The following TSKU variants were observed in gnomAD, a reference collection of about 807,000 sequenced individuals.
TSKU encodes the protein tsukushi, small leucine rich proteoglycan.
In TSKU, 4 loss-of-function variants were observed where a neutral mutation model predicts 11.2. The ratio of observed to expected loss-of-function variants is 0.36; its 90% CI spans 0.18 to 0.82. The LOEUF is 0.82. Ranked by LOEUF, TSKU falls within the 40% of genes least tolerant of loss-of-function variation. The pLI is 0.50. For synonymous variants in TSKU, 220 were observed against 232.2 expected, an observed-to-expected ratio of 0.95 and a Z score of 0.48; for missense variants, 407 against 482.5, an observed-to-expected ratio of 0.84 and a Z score of 1.47.
At chr11:76,782,450 T>C (rs1590813557), upstream of TSKU, 1 of 151,568 alleles carries the variant, frequency 6.6e-6, no homozygotes, top group Admixed American at 6.6e-5. Context: ...ATTGTCGGGG[T>C]GTGTAGACTG....
In TSKU at chr11:76,796,293, C is replaced by T. The variant is rs575101189; in HGVS notation, c.677C>T (p.Ala226Val). ...GCTGTCATTGGTCCGGGTGCCTTCG[C>T]GGGGCTGGGAGGCCTTACACACCTG... ...PLAVIGPGAF[A>V]GLGGLTHLSL... The change falls in exon 2 of 2, where the codon GCG becomes GTG. Residue 226 changes from alanine to valine, a missense_variant. Physicochemically the swap from Ala to Val is moderately conservative, Grantham distance 64 (BLOSUM62 0). Transcript: ENST00000333090. This position sits in a 1 kb window ranked among gnomAD's most constrained non-coding sequence, Gnocchi z 4.1. The T allele has an allele frequency of 1.5e-5, 25 of 1,613,218 alleles. No homozygotes were observed. The highest frequency in any genetic ancestry group is 6.7e-5 in the Admixed American group (4 of 59,990).
At chr11:76,788,795 C>T (rs1462623520) in intron 1 of TSKU, among the ~76,000 whole-genome samples, 2 of 152,194 alleles carry the variant, frequency 1.3e-5, no homozygotes, top group African/African-American at 4.8e-5. Context: ...AGGCCTGGCT[C>T]TGATCCCAGG....
intron 1 of TSKU, among the ~76,000 whole-genome samples, chr11:76,787,087 C>A (rs1944319869): frequency 6.6e-6 from 1 of 152,142 alleles, no homozygotes; most frequent in Non-Finnish European, 1.5e-5. Flanking sequence ...ATCACAGTGA[C>A]CCGTTAGGAC....
rs1289621593 is a variant in TSKU at position 76,796,737 on chromosome 11, G to A, written c.*59G>A. On this transcript the variant is annotated 3_prime_UTR_variant, in exon 2 of 2. Transcript: ENST00000333090. The surrounding 1 kb of genome is among the most constrained non-coding windows in gnomAD (Gnocchi z 4.1). ...GCTGTCCTGGGCTGCCTCAGGTCCCGAGTAACTTATGTTCAATGTGCCAAC... is the reference window on the plus strand; with the variant it reads ...GCTGTCCTGGGCTGCCTCAGGTCCCAAGTAACTTATGTTCAATGTGCCAAC... The A allele has an allele frequency of 4.2e-5, 56 of 1,327,110 alleles. No homozygotes were observed. The highest frequency in any genetic ancestry group is 5.4e-5 in the Non-Finnish European group (54 of 1,001,034). The allele number at this position is 1,327,110 out of a possible 1,614,324, so 82.2% of individuals were successfully genotyped here.
intron 1 of TSKU, among the ~76,000 whole-genome samples, chr11:76,787,241 C>T (rs372786743): frequency 4.6e-5 from 7 of 152,342 alleles, no homozygotes; most frequent in African/African-American, 1.7e-4. Context: ...ATAGCGCCTC[C>T]TCATGTGTCC....
chr11:76,786,724 C>T (rs1463524960), intron 1 of TSKU, among the ~76,000 whole-genome samples: 2 of 152,132 alleles, frequency 1.3e-5, no homozygotes, highest in Non-Finnish European at 2.9e-5. Flanking sequence ...GGGGGATCTG[C>T]GAATTTGATG....
chr11:76,796,758 C>T lies in TSKU; in HGVS notation c.*80C>T. On this transcript the variant is annotated 3_prime_UTR_variant, in exon 2 of 2. Coordinates refer to ENST00000333090, the MANE Select transcript of TSKU (RefSeq NM_015516.4). The surrounding 1 kb of genome is among the most constrained non-coding windows in gnomAD (Gnocchi z 4.1). ...TCCCGAGTAACTTATGTTCAATGTG[C>T]CAACACCAGTGGGGAGCCCGCAGGC... The T allele has an allele frequency of 8.5e-7, 1 of 1,173,352 alleles. No individual in the cohort carries two copies. The highest frequency in any genetic ancestry group is 1.2e-6 in the Non-Finnish European group (1 of 868,644). The allele number at this position is 1,173,352 out of a possible 1,614,324, so 72.7% of individuals were successfully genotyped here.
upstream of TSKU, chr11:76,783,248 G>T (rs895577815): frequency 1.3e-5 from 2 of 149,968 alleles, no homozygotes; most frequent in African/African-American, 2.4e-5. Flanking sequence ...CCCCGCGGCC[G>T]GCCCGAGCCG....
At chr11:76,785,452 C>T (rs1944302374) in intron 1 of TSKU, among the ~76,000 whole-genome samples, 1 of 152,130 alleles carries the variant, frequency 6.6e-6, no homozygotes, top group Non-Finnish European at 1.5e-5. Context: ...GGAGAAGGGG[C>T]CTGACAGGAG....
At chr11:76,788,042 A>G (rs557516621) in intron 1 of TSKU, among the ~76,000 whole-genome samples, 1 of 152,262 alleles carries the variant, frequency 6.6e-6, no homozygotes, top group East Asian at 1.9e-4. Context: ...GGGCTCCGGG[A>G]GTCTGGCCTT....
At chr11:76,786,071 A>T (rs1186600150) in intron 1 of TSKU, among the ~76,000 whole-genome samples, 1 of 152,240 alleles carries the variant, frequency 6.6e-6, no homozygotes, top group Admixed American at 6.5e-5. Context: ...GACAGCATTG[A>T]CTCTGGTCCT....
In TSKU at chr11:76,787,335, T is replaced by G. The variant is rs183471150; in HGVS notation, c.-9+3931T>G. ...AAGGAGAAAATCTTACTGGGAGCCT[T>G]GCCCATCTCCCTGTAGATTATCCTC... is the stretch of plus-strand genomic sequence containing the variant. On this transcript the variant is annotated intron_variant, in intron 1 of 1. Transcript: ENST00000333090. Among the ~76,000 whole-genome samples the G allele has an allele frequency of 1.9e-3, 295 of 152,308 alleles. 1 individual carries two copies. The highest frequency in any genetic ancestry group is 6.9e-3 in the African/African-American group (287 of 41,564).
chr11:76,796,560 G>T lies in TSKU; in HGVS notation c.944G>T (p.Arg315Leu). The T allele has an allele frequency of 2.5e-6, 4 of 1,587,846 alleles. No homozygotes were observed. The highest frequency in any genetic ancestry group is 3.4e-6 in the Non-Finnish European group (4 of 1,165,446). The change falls in exon 2 of 2, where the codon CGG (arginine) becomes CTG (leucine). Residue 315 changes from arginine (R) to leucine (L), a missense_variant. By Grantham distance (102) the Arg-to-Leu change is moderately radical. Transcript: ENST00000333090. This position sits in a 1 kb window ranked among gnomAD's most constrained non-coding sequence, Gnocchi z 4.1. Reference protein sequence around the residue: ...LQSVSVGQDVRCRRLVREGTY... With the variant: ...LQSVSVGQDVLCRRLVREGTY... ...AGCGTCAGCGTGGGCCAGGATGTGC[G>T]GTGCCGGCGCCTGGTGCGGGAGGGC...
At chr11:76,791,584 T>C (rs958160515) in intron 1 of TSKU, among the ~76,000 whole-genome samples, 1 of 152,282 alleles carries the variant, frequency 6.6e-6, no homozygotes, top group African/African-American at 2.4e-5. Context: ...CTTCAGAGGG[T>C]GCAAGCCCCA....
At chr11:76,791,604 A>C (rs1944371493) in intron 1 of TSKU, 1 of 152,288 alleles carries the variant, frequency 6.6e-6, no homozygotes, top group African/African-American at 2.4e-5. Flanking sequence ...AAGACTTCGC[A>C]GGTTCCAGAA....
In TSKU at chr11:76,797,002, A is replaced by C; in HGVS notation, c.*324A>C. The C allele has an allele frequency of 1.4e-5, 3 of 207,520 alleles. No individual in the cohort carries two copies. The highest frequency in any genetic ancestry group is 1.2e-4 in the East Asian group (1 of 8,172). 12.9% of individuals were successfully genotyped at this position (207,520 alleles called of 1,614,324 possible). On this transcript the variant is annotated 3_prime_UTR_variant, in exon 2 of 2. Transcript: ENST00000333090. Reference sequence around the variant, plus strand: ...CATGCCTGGGCCGGCCTGACCCGCAATGGGCAGAGGGTGGGTGGGACCCCC... The same window carrying C: ...CATGCCTGGGCCGGCCTGACCCGCACTGGGCAGAGGGTGGGTGGGACCCCC...
At position 76,795,325 on chromosome 11, in the gene TSKU, C is replaced by G. The variant is rs199859652; in HGVS notation, c.-8-284C>G. ...CGAGGGCTTCAGGTCCCCCTCACTT[C>G]AGCCAGACCAGGCCCGCCTTCATCT... is the stretch of plus-strand genomic sequence containing the variant. On this transcript the variant is annotated intron_variant, in intron 1 of 1. Transcript: ENST00000333090. Among the ~76,000 whole-genome samples, 16 of 152,358 alleles carry G rather than the reference C, an allele frequency of 1.1e-4. No homozygotes were observed. In the East Asian group the frequency reaches 3.1e-3, roughly 29 times the overall value.
At chr11:76,793,125 T>C (rs886067322) in intron 1 of TSKU, among the ~76,000 whole-genome samples, 5 of 152,250 alleles carry the variant, frequency 3.3e-5, no homozygotes, top group African/African-American at 1.2e-4. Flanking sequence ...GTGTCTACTG[T>C]GCAGGGCTGA....
intron 1 of TSKU, among the ~76,000 whole-genome samples, chr11:76,788,001 T>C (rs968841804): frequency 6.6e-6 from 1 of 152,150 alleles, no homozygotes; most frequent in African/African-American, 2.4e-5. Flanking sequence ...ATGTGCTGCA[T>C]TGGTGGGTCT....
Sources: allele counts gnomAD v4.1 joint callset (sites outside exome capture counted in the v4.1 genomes callset), GRCh38; gene constraint gnomAD v4.1.1; non-coding constraint Gnocchi (gnomAD v3.1); transcripts MANE v1.5; gene names NCBI Gene and HGNC (gene_info 2026-07-23, HGNC 2026-07-21).